The following PRKCB variants were observed in gnomAD, a reference collection of about 807,000 sequenced individuals.
PRKCB encodes the protein protein kinase C beta, also known as protein kinase C beta type.
PRKCB carries 13 observed loss-of-function variants against 81.5 expected under a neutral mutation model. The ratio of observed to expected loss-of-function variants is 0.16; its 90% CI spans 0.10 to 0.25. The LOEUF (loss-of-function observed/expected upper bound fraction) is 0.25, where lower values mean the gene tolerates loss of function less well. Ranked by LOEUF, PRKCB falls within the 10% of genes least tolerant of loss-of-function variation. The pLI is 1.00. For synonymous variants in PRKCB, 335 were observed against 321.4 expected, an observed-to-expected ratio of 1.04 and a Z score of -0.45; for missense variants, 509 against 875.7, an observed-to-expected ratio of 0.58 and a Z score of 5.29.
At chr16:24,192,156 T>C (rs1343985025) in intron 16 of PRKCB, among the ~76,000 whole-genome samples, 1 of 152,276 alleles carries the variant, frequency 6.6e-6, no homozygotes, top group African/African-American at 2.4e-5. Flanking sequence ...AGTATTGTTA[T>C]TCATTTCTTG....
intron 3 of PRKCB, among the ~76,000 whole-genome samples, chr16:24,009,333 T>C (rs1170355090): frequency 6.6e-6 from 1 of 152,070 alleles, no homozygotes; most frequent in Admixed American, 6.5e-5. Context: ...CCAAAAGGCA[T>C]ATGAAAATTT....
At chr16:24,014,096 CAG>C (rs942305724) in intron 3 of PRKCB, among the ~76,000 whole-genome samples, 2 of 152,218 alleles carry the variant, frequency 1.3e-5, no homozygotes, top group Non-Finnish European at 2.9e-5. Context: ...GCTTCTGTGA[CAG>C]AGGGTGCTGT....
At position 23,996,677 on chromosome 16, in the gene PRKCB, G is replaced by A. The variant is rs139723165; in HGVS notation, c.288+8087G>A. On this transcript the variant is annotated intron_variant, in intron 3 of 16. Transcript: ENST00000643927. ...ATTCACTGTTATGAAATTCCACACA[G>A]CATTGTGTCTGATCAAAGAAATCAC... Among the ~76,000 whole-genome samples the A allele has an allele frequency of 2.6e-3, 395 of 152,336 alleles. 5 individuals carry two copies. Among genetic ancestry groups the A allele is most frequent in the East Asian group, 0.02 (105 of 5,182 alleles).
At chr16:24,018,600 T>C (rs1435944094) in intron 3 of PRKCB, among the ~76,000 whole-genome samples, 1 of 152,236 alleles carries the variant, frequency 6.6e-6, no homozygotes, top group Admixed American at 6.5e-5. Flanking sequence ...GTGCAGATCT[T>C]AACCCAGGAA....
chr16:23,923,702 G>T (rs1963858184), intron 2 of PRKCB, among the ~76,000 whole-genome samples: 1 of 152,042 alleles, frequency 6.6e-6, no homozygotes, highest in African/African-American at 2.4e-5. Context: ...GTGTGTTTGT[G>T]CAGCTCTAAT....
intron 9 of PRKCB, among the ~76,000 whole-genome samples, chr16:24,138,557 A>ATT (rs11342996): frequency 1.3e-5 from 2 of 151,496 alleles, no homozygotes; most frequent in Non-Finnish European, 2.9e-5. Flanking sequence ...TTATTTATGT[A>ATT]TTTTTTTTTG....
At chr16:24,122,449 C>CT (rs35364143) in intron 8 of PRKCB, among the ~76,000 whole-genome samples, 3,270 of 97,620 alleles carry the variant, frequency 0.033, 196 homozygotes, top group African/African-American at 0.07. Flanking sequence ...TACCACGAGG[C>CT]TTTTTTTTTT....
chr16:24,014,200 G>A (rs182294866), intron 3 of PRKCB, among the ~76,000 whole-genome samples: 6,089 of 151,902 alleles, frequency 0.04, 206 homozygotes, highest in African/African-American at 0.084. Flanking sequence ...TTGCATTTAC[G>A]GGACCCCCCA....
At chr16:24,006,789 G>A (rs1313668427) in intron 3 of PRKCB, among the ~76,000 whole-genome samples, 2 of 151,196 alleles carry the variant, frequency 1.3e-5, no homozygotes, top group Non-Finnish European at 3.0e-5. Flanking sequence ...CGCTGTGGGG[G>A]TAGGATGGCT....
intron 2 of PRKCB, among the ~76,000 whole-genome samples, chr16:23,868,771 G>A (rs1475177732): frequency 6.6e-6 from 1 of 152,150 alleles, no homozygotes; most frequent in Non-Finnish European, 1.5e-5. Context: ...ATGGAGACTG[G>A]GGCCGGCTGC....
At chr16:23,926,561 T>G (rs1392064643) in intron 2 of PRKCB, among the ~76,000 whole-genome samples, 1 of 151,518 alleles carries the variant, frequency 6.6e-6, no homozygotes, top group East Asian at 1.9e-4. Context: ...AGTATTCTAT[T>G]GTGTGTATGT....
chr16:24,185,149 G>T lies in PRKCB; in HGVS notation c.1572G>T (p.Trp524Cys). 1 of 1,614,144 alleles carries T rather than the reference G, an allele frequency of 6.2e-7. No homozygotes were observed. Among genetic ancestry groups the T allele is most frequent in the Non-Finnish European group, 8.5e-7 (1 of 1,180,004 alleles). The change falls in exon 14 of 17, where the codon TGG becomes TGT. Residue 524 changes from tryptophan (W) to cysteine (C), a missense_variant. Trp to Cys is a radical substitution (Grantham distance 215, BLOSUM62 -2). Coordinates refer to ENST00000643927, the MANE Select transcript of PRKCB (RefSeq NM_002738.7). Reference protein sequence around the residue: ...AYQPYGKSVDWWAFGVLLYEM... With the variant: ...AYQPYGKSVDCWAFGVLLYEM... ...AGCCCTATGGGAAGTCCGTGGATTG[G>T]TGGGCATTTGGAGTCCTGCTGTATG... is the stretch of plus-strand genomic sequence containing the variant.
intron 14 of PRKCB, 51 bp from the exon 15 acceptor site, chr16:24,185,409 G>T (rs1483297203): frequency 4.6e-6 from 7 of 1,534,162 alleles, no homozygotes; most frequent in Non-Finnish European, 6.3e-6. Context: ...GGGAGCTAGG[G>T]GGAGGGTTCA....
chr16:24,191,341 G>A, intron 16 of PRKCB, 111 bp downstream of exon 16: 1 of 1,217,674 alleles, frequency 8.2e-7, no homozygotes, highest in Non-Finnish European at 1.2e-6. Flanking sequence ...GTGTCTACTG[G>A]AACATGGGTG....
At chr16:23,861,999 C>T (rs1962674310) in intron 2 of PRKCB, among the ~76,000 whole-genome samples, 1 of 152,208 alleles carries the variant, frequency 6.6e-6, no homozygotes, top group Admixed American at 6.5e-5. Context: ...ATTGCCTCAA[C>T]CTACTCTGAA....
At chr16:24,124,861 GC>G (rs958174042) in intron 9 of PRKCB, among the ~76,000 whole-genome samples, 6 of 151,742 alleles carry the variant, frequency 4.0e-5, no homozygotes, top group African/African-American at 1.5e-4. Flanking sequence ...CCTGGCCACC[GC>G]CCCCCACAGC....
At chr16:24,175,813 TAAA>T (rs1176058644) in intron 12 of PRKCB, among the ~76,000 whole-genome samples, 3 of 151,220 alleles carry the variant, frequency 2.0e-5, no homozygotes, top group Non-Finnish European at 3.0e-5. Context: ...TCTCTAAAAA[TAAA>T]ATAAAATTAG....
chr16:23,862,242 G>A (rs922770654), intron 2 of PRKCB, among the ~76,000 whole-genome samples: 1 of 152,216 alleles, frequency 6.6e-6, no homozygotes, highest in Non-Finnish European at 1.5e-5. Context: ...CAGCTCAGAT[G>A]TCAGTTCTGT....
chr16:24,174,853 C>T (rs1967503884), intron 12 of PRKCB: 2 of 369,664 alleles, frequency 5.4e-6, no homozygotes. Flanking sequence ...AGGAGACTCA[C>T]AGAGAGGACC....
Sources: allele counts gnomAD v4.1 joint callset (sites outside exome capture counted in the v4.1 genomes callset), GRCh38; gene constraint gnomAD v4.1.1; transcripts MANE v1.5; gene names NCBI Gene and HGNC (gene_info 2026-07-23, HGNC 2026-07-21).